Variants in CEP290 observed in about 807,000 individuals in gnomAD.
CEP290 encodes the protein centrosomal protein of 290 kDa.
CEP290 carries 317 observed loss-of-function variants against 344.9 expected under a neutral mutation model. That is an observed-to-expected ratio of 0.92 (90% confidence interval 0.84 to 1.01). The LOEUF (loss-of-function observed/expected upper bound fraction) is 1.01, where lower values mean the gene tolerates loss of function less well. CEP290 is among the 50% of genes least tolerant of loss of function. The probability of loss-of-function intolerance (pLI) is 0.00; values close to 1 mark genes in which losing one functional copy is unlikely to be tolerated. For missense variants in CEP290, 2,754 were observed against 2,761.4 expected (o/e 1.00, Z 0.06); for synonymous variants, 932 against 895.8 (o/e 1.04, Z -0.72).
At position 88,089,103 on chromosome 12, in the gene CEP290, C is replaced by G; in HGVS notation, c.3958G>C (p.Glu1320Gln). ...AGGCCCTTTAATTTTAATTCCATCTCCAATGTTTTGTTCTCCATATTTCTA... is the reference window on the plus strand; with the variant it reads ...AGGCCCTTTAATTTTAATTCCATCTGCAATGTTTTGTTCTCCATATTTCTA... ...EHRNMENKTL[E>Q]MELKLKGLEE... Residue 1320 changes from glutamate (E) to glutamine (Q), a missense_variant, in exon 31 of 54, where the codon GAG becomes CAG. Transcript: ENST00000552810. 2.6e-6 allele frequency: 4 copies of G among 1,558,118 alleles called. No homozygotes were observed. The highest frequency in any genetic ancestry group is 3.5e-6 in the Non-Finnish European group (4 of 1,156,098).
intron 6 of CEP290, among the ~76,000 whole-genome samples, chr12:88,132,146 A>G (rs978865730): frequency 3.9e-5 from 6 of 152,202 alleles, no homozygotes; most frequent in Non-Finnish European, 5.9e-5. Flanking sequence ...TTATCTACAT[A>G]TAAGTGACTT....
intron 41 of CEP290, among the ~76,000 whole-genome samples, chr12:88,073,664 G>T (rs2035549371): frequency 6.6e-6 from 1 of 152,060 alleles, no homozygotes; most frequent in South Asian, 2.1e-4. Flanking sequence ...TGGGGAGATG[G>T]CTCATGCTTA....
chr12:88,082,972 T>A, intron 37 of CEP290, 59 bp downstream of exon 37: 1 of 1,023,566 alleles, frequency 9.8e-7, no homozygotes, highest in South Asian at 1.6e-5. Context: ...ACACTTATGT[T>A]TATCTTCATT....
At chr12:88,114,824 T>C (rs566108430) in intron 19 of CEP290, among the ~76,000 whole-genome samples, 1 of 152,260 alleles carries the variant, frequency 6.6e-6, no homozygotes, top group East Asian at 1.9e-4. Context: ...TTAAAGTATT[T>C]TAAATTTGGT....
Position 88,053,666 on chromosome 12 carries a change from T to C in CEP290, c.7115A>G (p.Glu2372Gly). Residue 2372 changes from glutamate (E) to glycine (G), a missense_variant, in exon 52 of 54, where the codon GAA becomes GGA. Physicochemically the swap from Glu to Gly is moderately conservative, Grantham distance 98 (BLOSUM62 -2). Coordinates refer to ENST00000552810, the MANE Select transcript of CEP290 (RefSeq NM_025114.4). Reference sequence around the variant, plus strand: ...AAATACATTACCAGGTATGGTGCTTTCAGCTCCACTTTGGTCCTTGTTAGC... The same window carrying C: ...AAATACATTACCAGGTATGGTGCTTCCAGCTCCACTTTGGTCCTTGTTAGC... ...IEANKDQSGAESTIPDADQLK... is the reference protein window; with the variant it reads ...IEANKDQSGAGSTIPDADQLK... The C allele has an allele frequency of 6.6e-7, 1 of 1,526,172 alleles. No individual in the cohort carries two copies. Among genetic ancestry groups the C allele is most frequent in the Non-Finnish European group, 8.9e-7 (1 of 1,123,210 alleles). 94.5% of individuals were successfully genotyped at this position (1,526,172 alleles called of 1,614,324 possible).
At chr12:88,077,490 T>C (rs1034437979) in intron 40 of CEP290, 146 bp from the exon 41 acceptor site, 1 of 671,598 alleles carries the variant, frequency 1.5e-6, no homozygotes, top group African/African-American at 1.9e-5. Flanking sequence ...GATAATCTGG[T>C]AGCTGCTTCT....
chr12:88,084,944 A>T, intron 34 of CEP290, 92 bp from the exon 35 acceptor site: 1 of 1,035,816 alleles, frequency 9.7e-7, no homozygotes, highest in Non-Finnish European at 1.4e-6. Flanking sequence ...AGCCAAAAAA[A>T]ATTCACTTTA....
At position 88,054,027 on chromosome 12, in the gene CEP290, T is replaced by TA. The variant is rs568342223; in HGVS notation, c.7035-282dup. Among the ~76,000 whole-genome samples the TA allele has an allele frequency of 5.3e-4, 80 of 152,252 alleles. No individual in the cohort carries two copies. The East Asian group carries it at 9.7e-3, about 18-fold the overall frequency. ...AGCAGGCTACAGAGACCCCTGAAAG[T>TA]AAAAAAATTACTTGTTCTCTTTCAT... On this transcript the variant is annotated intron_variant, in intron 51 of 53. Transcript: ENST00000552810.
At chr12:88,126,233 A>T (rs916560705) in intron 12 of CEP290, 83 bp downstream of exon 12, 8 of 1,168,922 alleles carry the variant, frequency 6.8e-6, no homozygotes, top group African/African-American at 1.6e-5. Flanking sequence ...CTAGGCACTG[A>T]TGATATAATA....
chr12:88,084,848 A>G lies in CEP290; in HGVS notation c.4442T>C (p.Leu1481Pro). The change falls in exon 35 of 54, where the codon CTA becomes CCA. Residue 1481 changes from leucine (L) to proline (P), a missense_variant. Transcript: ENST00000552810. The part of the protein sequence containing the change: ...RATCKSLEEK[L>P]KEKESALRLA... Reference sequence around the variant, plus strand: ...CCTTAAAGCAGATTCTTTCTCTTTTAGTTTCTGCAATGATTAAATTATAAT... The same window carrying G: ...CCTTAAAGCAGATTCTTTCTCTTTTGGTTTCTGCAATGATTAAATTATAAT... 6.5e-7 allele frequency: 1 copy of G among 1,535,798 alleles called. No individual in the cohort carries two copies. Among genetic ancestry groups the G allele is most frequent in the Non-Finnish European group, 8.7e-7 (1 of 1,143,606 alleles).
rs139415563 is a variant in CEP290 at position 88,141,905 on chromosome 12, C to A, written c.-33G>T. ...GCTTACAAGGATCCACCCACCTAGACCAAGCCTGGCAACCAGCGGAGGCCT... is the reference window on the plus strand; with the variant it reads ...GCTTACAAGGATCCACCCACCTAGAACAAGCCTGGCAACCAGCGGAGGCCT... On this transcript the variant is annotated 5_prime_UTR_variant, in exon 1 of 54. Coordinates refer to ENST00000552810, the MANE Select transcript of CEP290 (RefSeq NM_025114.4). 1,332 of 152,628 alleles carry A rather than the reference C, an allele frequency of 8.7e-3. 9 individuals carry two copies. Among genetic ancestry groups the A allele is most frequent in the Non-Finnish European group, 0.016 (1,061 of 68,334 alleles). 9.5% of individuals were successfully genotyped at this position (152,628 alleles called of 1,614,324 possible).
At chr12:88,068,340 G>C (rs1334149900) in intron 44 of CEP290, among the ~76,000 whole-genome samples, 182 bp downstream of exon 44, 1 of 151,856 alleles carries the variant, frequency 6.6e-6, no homozygotes, top group African/African-American at 2.4e-5. Flanking sequence ...CTGTTATTAT[G>C]TTAAAAAGGA....
intron 30 of CEP290, among the ~76,000 whole-genome samples, 191 bp from the exon 31 acceptor site, chr12:88,089,678 A>G (rs2036870772): frequency 6.6e-6 from 1 of 152,070 alleles, no homozygotes; most frequent in Admixed American, 6.6e-5. Flanking sequence ...AGAATCAAAC[A>G]AACTTAAAAT....
intron 12 of CEP290, among the ~76,000 whole-genome samples, chr12:88,125,853 A>C (rs2039696789): frequency 6.6e-6 from 1 of 152,104 alleles, no homozygotes; most frequent in South Asian, 2.1e-4. Flanking sequence ...ACAAATAATA[A>C]AAGTATTACT....
Position 88,086,453 on chromosome 12 carries a change from G to C in CEP290, c.4240C>G (p.Leu1414Val), listed in dbSNP as rs762417751. Residue 1414 changes from leucine (L) to valine (V), a missense_variant, in exon 33 of 54, where the codon CTG becomes GTG. Transcript: ENST00000552810. ...TCAAAAATGTCTAGTTGGCGTTCCA[G>C]GTCAACTTCTCTTTGATCCCAGGCC... ...QMAWDQREVD[L>V]ERQLDIFDRQ... 11 of 1,600,540 alleles carry C rather than the reference G, an allele frequency of 6.9e-6. No homozygotes were observed. In the Admixed American group the frequency reaches 1.9e-4, roughly 27 times the overall value.
Position 88,053,634 on chromosome 12 carries a change from T to G in CEP290, c.7129+18A>C. On this transcript the variant is annotated intron_variant, in intron 52 of 53. Coordinates refer to ENST00000552810, the MANE Select transcript of CEP290 (RefSeq NM_025114.4). ...CAAAAACTTGGGGGTAGCTAACATG[T>G]TTTTTAAAATACATTACCAGGTATG... The G allele has an allele frequency of 1.5e-6, 2 of 1,374,840 alleles. No homozygotes were observed. The highest frequency in any genetic ancestry group is 2.0e-6 in the Non-Finnish European group (2 of 995,178). 85.2% of individuals were successfully genotyped at this position (1,374,840 alleles called of 1,614,324 possible).
chr12:88,111,968 T>C (rs2038723963), intron 20 of CEP290, 110 bp from the exon 21 acceptor site: 2 of 706,878 alleles, frequency 2.8e-6, no homozygotes, highest in East Asian at 3.3e-5. Flanking sequence ...CCTATTTTCA[T>C]TGCCAAGCAT....
Position 88,120,106 on chromosome 12 carries a change from T to C in CEP290, c.1522+8A>G, listed in dbSNP as rs1410927153. ...TGCGCAAACTATGTAACTTAAAACA[T>C]GGCTTACCCACACGCTCTCTAAGTG... On this transcript the variant is annotated splice_region_variant and intron_variant, in intron 15 of 53. Transcript: ENST00000552810. 2 of 1,477,494 alleles carry C rather than the reference T, an allele frequency of 1.4e-6. No homozygotes were observed. The highest frequency in any genetic ancestry group is 3.1e-5 in the South Asian group (2 of 64,840). 91.5% of individuals were successfully genotyped at this position (1,477,494 alleles called of 1,614,324 possible). A position where few individuals can be genotyped will look rare whatever the true frequency, so the allele number is the denominator to read the frequency against.
chr12:88,084,302 T>C (rs1206565962), intron 35 of CEP290, among the ~76,000 whole-genome samples: 1 of 134,464 alleles, frequency 7.4e-6, no homozygotes, highest in Non-Finnish European at 1.6e-5. Flanking sequence ...TTCCACCCTA[T>C]TGCCTCAATC....
Sources: allele counts gnomAD v4.1 joint callset (sites outside exome capture counted in the v4.1 genomes callset), GRCh38; gene constraint gnomAD v4.1.1; transcripts MANE v1.5; gene names NCBI Gene and HGNC (gene_info 2026-07-23, HGNC 2026-07-21).